SNX25: variants seen among roughly 807,000 people sequenced by gnomAD.
SNX25 encodes sorting nexin-25.
In SNX25, 62 loss-of-function variants were observed where a neutral mutation model predicts 113.7. The observed-to-expected ratio is 0.55, with a 90% CI of 0.44 to 0.67. The LOEUF is 0.67. SNX25 is among the 30% of genes least tolerant of loss of function. SNX25 has a pLI of 0.00. For missense variants in SNX25, 1,014 were observed against 1,161.0 expected (o/e 0.87, Z 1.84); for synonymous variants, 421 against 436.2 (o/e 0.97, Z 0.43).
intron 1 of SNX25, among the ~76,000 whole-genome samples, chr4:185,218,310 C>T (rs779047101): frequency 6.6e-6 from 1 of 152,242 alleles, no homozygotes; most frequent in Non-Finnish European, 1.5e-5. Flanking sequence ...GTCTCGAACT[C>T]CTGACCTCAG....
chr4:185,281,425 T>G (rs1004905472), intron 5 of SNX25, among the ~76,000 whole-genome samples: 1 of 152,178 alleles, frequency 6.6e-6, no homozygotes, highest in Non-Finnish European at 1.5e-5. Context: ...TATTACTCTT[T>G]TCTATAAATG....
In SNX25 at chr4:185,353,442, T is replaced by C. The variant is rs769358074; in HGVS notation, c.2467-43T>C. The C allele has an allele frequency of 2.0e-6, 3 of 1,484,144 alleles. No homozygotes were observed. The African/African-American group carries it at 4.2e-5, about 21-fold the overall frequency. 91.9% of individuals were successfully genotyped at this position (1,484,144 alleles called of 1,614,324 possible). A position where few individuals can be genotyped will look rare whatever the true frequency, so the allele number is the denominator to read the frequency against. Reference sequence around the variant, plus strand: ...AGGGAGAACAACTCTACCAATTTTCTTGGATAAGTTATCTGCTTCCTATGA... The same window carrying C: ...AGGGAGAACAACTCTACCAATTTTCCTGGATAAGTTATCTGCTTCCTATGA... On this transcript the variant is annotated intron_variant, in intron 14 of 18. Transcript: ENST00000652585.
intron 9 of SNX25, among the ~76,000 whole-genome samples, chr4:185,327,360 G>A (rs1049176835): frequency 6.6e-6 from 1 of 152,066 alleles, no homozygotes; most frequent in Non-Finnish European, 1.5e-5. Context: ...GCATTCAGGA[G>A]GCTTAATCAC....
chr4:185,321,119 T>A (rs2095116270), intron 8 of SNX25, among the ~76,000 whole-genome samples: 1 of 152,008 alleles, frequency 6.6e-6, no homozygotes, highest in Admixed American at 6.6e-5. Flanking sequence ...TTTTGGGTAT[T>A]TTTTTTACAC....
At chr4:185,351,937 A>AGTAGAGGAGGTT (rs2126742956) in intron 14 of SNX25, among the ~76,000 whole-genome samples, 1 of 152,120 alleles carries the variant, frequency 6.6e-6, no homozygotes, top group Non-Finnish European at 1.5e-5. Flanking sequence ...GAAGGTTCAC[A>AGTAGAGGAGGTT]GTAGAGGAGG....
intron 6 of SNX25, among the ~76,000 whole-genome samples, chr4:185,308,746 C>G (rs1340926979): frequency 6.6e-6 from 1 of 152,040 alleles, no homozygotes; most frequent in Non-Finnish European, 1.5e-5. Context: ...CTTCTCTTCC[C>G]CCTTACTCTT....
intron 8 of SNX25, among the ~76,000 whole-genome samples, chr4:185,321,319 G>A (rs998604118): frequency 4.7e-5 from 7 of 148,700 alleles, no homozygotes; most frequent in African/African-American, 1.8e-4. Flanking sequence ...CTGGAGTGCA[G>A]TGGGGCGATC....
chr4:185,319,399 G>A (rs1186543163), intron 7 of SNX25, among the ~76,000 whole-genome samples: 4 of 149,152 alleles, frequency 2.7e-5, no homozygotes, highest in African/African-American at 9.9e-5. Flanking sequence ...GGGTTTCTCC[G>A]TGTTGGTCAG....
chr4:185,217,663 G>A (rs1377651380), intron 1 of SNX25, among the ~76,000 whole-genome samples: 3 of 152,052 alleles, frequency 2.0e-5, no homozygotes, highest in African/African-American at 7.2e-5. Context: ...AAATATCTTA[G>A]GCTTCGTTTC....
chr4:185,267,268 A>G, intron 5 of SNX25, 113 bp downstream of exon 5: 1 of 1,031,184 alleles, frequency 9.7e-7, no homozygotes, highest in Non-Finnish European at 1.4e-6. Flanking sequence ...AAACAAGTCT[A>G]TAAATCTTAC....
chr4:185,328,064 T>C (rs2095168958), intron 9 of SNX25, among the ~76,000 whole-genome samples: 1 of 152,236 alleles, frequency 6.6e-6, no homozygotes, highest in Non-Finnish European at 1.5e-5. Context: ...ATTTAAGCAC[T>C]TATTTTTCTT....
Position 185,231,320 on chromosome 4 carries a change from T to C in SNX25, c.430-15974T>C, listed in dbSNP as rs559034412. ...TTCACTGTGTTAGCCAGGATGGTCT[T>C]GATCTCCTGACATCGTGATCCACCC... is the stretch of plus-strand genomic sequence containing the variant. On this transcript the variant is annotated intron_variant, in intron 1 of 18. Transcript: ENST00000652585. Among the ~76,000 whole-genome samples, 13 of 151,452 alleles carry C rather than the reference T, an allele frequency of 8.6e-5. No individual in the cohort carries two copies. In the South Asian group the frequency reaches 1.0e-3, roughly 12 times the overall value.
rs762223159 is a variant in SNX25 at position 185,362,696 on chromosome 4, C to T, written c.2919C>T (p.Asn973=). 10 of 1,613,994 alleles carry T rather than the reference C, an allele frequency of 6.2e-6. No homozygotes were observed. The highest frequency in any genetic ancestry group is 8.5e-6 in the Non-Finnish European group (10 of 1,179,898). ...ATGCACTGCAAGAAACAAGAGCCAACAAGCATCTGTTATATGTGAGTAAAT... is the reference window on the plus strand; with the variant it reads ...ATGCACTGCAAGAAACAAGAGCCAATAAGCATCTGTTATATGTGAGTAAAT... ...IFNALQETRA[N]KHLLYALMEL... The change falls in exon 18 of 19, where the codon AAC becomes AAT. Residue 973 remains asparagine, a synonymous_variant. Coordinates refer to ENST00000652585, the MANE Select transcript of SNX25 (RefSeq NM_001378034.2).
At chr4:185,241,963 A>G (rs1417384435) in intron 1 of SNX25, among the ~76,000 whole-genome samples, 1 of 152,114 alleles carries the variant, frequency 6.6e-6, no homozygotes, top group Non-Finnish European at 1.5e-5. Context: ...GAGCCACAGG[A>G]ATTTATTCAT....
chr4:185,375,082 A>G (rs1453087767), downstream of SNX25, among the ~76,000 whole-genome samples: 1 of 151,974 alleles, frequency 6.6e-6, no homozygotes, highest in Non-Finnish European at 1.5e-5. Flanking sequence ...ATCACCCAAA[A>G]GAAGAAAATA....
chr4:185,320,010 G>A (rs180719827), intron 7 of SNX25, among the ~76,000 whole-genome samples: 1 of 152,258 alleles, frequency 6.6e-6, no homozygotes, highest in Non-Finnish European at 1.5e-5. Context: ...AAATAGGAAC[G>A]CTTTTACACT....
At chr4:185,320,633 C>A in intron 7 of SNX25, 100 bp from the exon 8 acceptor site, 2 of 808,542 alleles carry the variant, frequency 2.5e-6, no homozygotes, top group Admixed American at 3.5e-5. Context: ...TTAAAAAATG[C>A]ATTTTTACCC....
At chr4:185,356,171 G>A (rs1301874008) in intron 15 of SNX25, among the ~76,000 whole-genome samples, 1 of 152,094 alleles carries the variant, frequency 6.6e-6, no homozygotes, top group African/African-American at 2.4e-5. Context: ...GTATCGGGGG[G>A]TTACTGGGGA....
chr4:185,252,971 C>T lies in SNX25; in HGVS notation c.514+5593C>T, dbSNP rs80091707. Among the ~76,000 whole-genome samples, 1,246 of 152,242 alleles carry T rather than the reference C, an allele frequency of 8.2e-3. 16 individuals carry two copies. The highest frequency in any genetic ancestry group is 0.028 in the African/African-American group (1,179 of 41,530). ...GGTTCAGATCTAATATGAATGAACT[C>T]TTCTTTTTGAGAAGGCAGAACAGTT... On this transcript the variant is annotated intron_variant, in intron 2 of 18. Transcript: ENST00000652585.
Sources: allele counts gnomAD v4.1 joint callset (sites outside exome capture counted in the v4.1 genomes callset), GRCh38; gene constraint gnomAD v4.1.1; transcripts MANE v1.5; gene names NCBI Gene and HGNC (gene_info 2026-07-23, HGNC 2026-07-21).